Variants in FTCDNL1 observed in about 807,000 individuals in gnomAD.
The protein encoded by FTCDNL1 is formiminotransferase N-terminal subdomain-containing protein.
Under a neutral mutation model 5.9 loss-of-function variants are expected in FTCDNL1, and 11 were observed. That is an observed-to-expected ratio of 1.87 (90% CI 1.18 to 3.10). The LOEUF (loss-of-function observed/expected upper bound fraction) is 3.10. FTCDNL1 is among the 30% of genes most tolerant of loss of function. FTCDNL1 has a pLI of 0.00. For missense variants in FTCDNL1, 115 were observed against 65.5 expected, an observed-to-expected ratio of 1.76 and a Z score of -2.61; for synonymous variants, 58 against 24.8, an observed-to-expected ratio of 2.34 and a Z score of -3.99.
downstream of FTCDNL1, among the ~76,000 whole-genome samples, chr2:199,758,320 A>C (rs1698140070): frequency 6.7e-6 from 1 of 150,346 alleles, no homozygotes; most frequent in Non-Finnish European, 1.5e-5. Context: ...ACAAACAAAT[A>C]ACTTATTTTT....
the FTCDNL1 span, among the ~76,000 whole-genome samples, chr2:199,666,948 T>A: frequency 6.6e-6 from 1 of 150,750 alleles, no homozygotes; most frequent in Non-Finnish European, 1.5e-5. Flanking sequence ...GGGGATCTAG[T>A]GAAGTGGAGT....
chr2:199,705,772 G>A, the FTCDNL1 span, among the ~76,000 whole-genome samples: 1 of 152,198 alleles, frequency 6.6e-6, no homozygotes, highest in Non-Finnish European at 1.5e-5. Flanking sequence ...CAAAGAAGCA[G>A]ATGCCAAGAT....
chr2:199,830,491 A>G (rs1165486457), intron 3 of FTCDNL1, among the ~76,000 whole-genome samples: 5 of 152,202 alleles, frequency 3.3e-5, no homozygotes, highest in Admixed American at 2.6e-4. Context: ...CAATGTCTTC[A>G]TTAAACAGAG....
rs573063611 is a variant in FTCDNL1, at chr2:199,831,098, T to C, written c.212-11341A>G. Among the ~76,000 whole-genome samples the C allele has an allele frequency of 2.6e-5, 4 of 152,322 alleles. No homozygotes were observed. The East Asian group carries it at 7.7e-4, about 29-fold the overall frequency. On this transcript the variant is annotated intron_variant, in intron 3 of 4. Coordinates refer to ENST00000420128, the MANE Select transcript of FTCDNL1 (RefSeq NM_001363886.2). The stretch of plus-strand genomic sequence containing the variant: ...GAACTTAAAAACCACGATAGGCTGA[T>C]AACAACACCTATGCCTCCAAATGAA...
At chr2:199,693,137 A>G in the FTCDNL1 span, among the ~76,000 whole-genome samples, 1 of 152,216 alleles carries the variant, frequency 6.6e-6, no homozygotes, top group African/African-American at 2.4e-5. Context: ...GTTTTCTGTT[A>G]TAGATACCAG....
the FTCDNL1 span, among the ~76,000 whole-genome samples, chr2:199,720,625 T>C: frequency 1.3e-5 from 2 of 152,210 alleles, no homozygotes; most frequent in South Asian, 2.1e-4. Flanking sequence ...ACATGGTCTT[T>C]TTCTCTGTGT....
At chr2:199,778,921 C>T (rs796243995) in intron 3 of FTCDNL1, among the ~76,000 whole-genome samples, 17 of 152,238 alleles carry the variant, frequency 1.1e-4, no homozygotes, top group African/African-American at 3.9e-4. Context: ...TCAGGGAAGC[C>T]TTTCTCAGTA....
At chr2:199,774,949 T>C (rs1698987219) in intron 3 of FTCDNL1, among the ~76,000 whole-genome samples, 1 of 152,202 alleles carries the variant, frequency 6.6e-6, no homozygotes. Context: ...GTACCAGTCC[T>C]CTCAGAATCT....
the FTCDNL1 span, among the ~76,000 whole-genome samples, chr2:199,711,451 T>C: frequency 1.3e-5 from 2 of 152,128 alleles, no homozygotes; most frequent in Non-Finnish European, 2.9e-5. Flanking sequence ...GTATTAATAC[T>C]CCCTTGAAAA....
chr2:199,689,058 G>A, the FTCDNL1 span, among the ~76,000 whole-genome samples: 1 of 152,054 alleles, frequency 6.6e-6, no homozygotes, highest in South Asian at 2.1e-4. Flanking sequence ...CAAAACATAT[G>A]GAAATAATAT....
At chr2:199,768,855 G>A (rs982746030) in intron 3 of FTCDNL1, among the ~76,000 whole-genome samples, 6 of 152,144 alleles carry the variant, frequency 3.9e-5, no homozygotes, top group Non-Finnish European at 7.3e-5. Context: ...AATGAGAAGA[G>A]AGGAGCTATT....
rs1044836169 is a variant in FTCDNL1, at chr2:199,812,312, G to C, written c.*393C>G. 1.3e-5 allele frequency among the ~76,000 whole-genome samples: 2 copies of C among 152,104 alleles called. No individual in the cohort carries two copies. Among genetic ancestry groups the C allele is most frequent in the African/African-American group, 2.4e-5 (1 of 41,418 alleles). On this transcript the variant is annotated 3_prime_UTR_variant, in exon 5 of 5. Transcript: ENST00000420128. Reference sequence around the variant, plus strand: ...AATTTCTCTTTCTGCCCAAATTCACGCTTTTCCAATTTCCTCCATTTAATC... The same window carrying C: ...AATTTCTCTTTCTGCCCAAATTCACCCTTTTCCAATTTCCTCCATTTAATC...
rs921767417 is a variant in FTCDNL1 at position 199,810,552 on chromosome 2, A to G, written c.*2153T>C. Among the ~76,000 whole-genome samples, 7 of 152,184 alleles carry G rather than the reference A, an allele frequency of 4.6e-5. No individual in the cohort carries two copies. The East Asian group carries it at 1.3e-3, about 29-fold the overall frequency. ...GCTGAGATGGCCATTGACACTCTAG[A>G]GCCCTGTTACTCTAGAGCTCAGGGG... On this transcript the variant is annotated 3_prime_UTR_variant, in exon 5 of 5. Transcript: ENST00000420128.
In FTCDNL1 at chr2:199,779,530, ACT is replaced by A. The variant is rs1491080418; in HGVS notation, c.212-18697_212-18696del. 8.7e-3 allele frequency among the ~76,000 whole-genome samples: 1,319 copies of A among 152,292 alleles called. 20 individuals carry two copies. The highest frequency in any genetic ancestry group is 0.03 in the African/African-American group (1,256 of 41,560). On this transcript the variant is annotated intron_variant, in intron 3 of 3. Coordinates refer to the FTCDNL1 transcript ENST00000416668. The stretch of plus-strand genomic sequence containing the variant: ...CTCCCCCTCCACCTTCCACATGTGC[ACT>A]CATGATTTCAATCCATCTGCCTCTC...
the FTCDNL1 span, among the ~76,000 whole-genome samples, chr2:199,681,217 G>A: frequency 6.6e-6 from 1 of 151,982 alleles, no homozygotes; most frequent in Non-Finnish European, 1.5e-5. Flanking sequence ...ATTTTGGGAG[G>A]CTGAGGCAGG....
At chr2:199,790,584 G>A (rs558440804) in intron 3 of FTCDNL1, among the ~76,000 whole-genome samples, 1 of 151,478 alleles carries the variant, frequency 6.6e-6, no homozygotes, top group Admixed American at 6.6e-5. Context: ...ATAAGAAAAG[G>A]ATAAAAATCA....
At chr2:199,754,075 G>A in the FTCDNL1 span, among the ~76,000 whole-genome samples, 1 of 152,172 alleles carries the variant, frequency 6.6e-6, no homozygotes, top group African/African-American at 2.4e-5. Context: ...AGGGCCTCAG[G>A]GCCTTCTCAT....
chr2:199,692,020 A>G, the FTCDNL1 span, among the ~76,000 whole-genome samples: 5 of 152,232 alleles, frequency 3.3e-5, no homozygotes, highest in Admixed American at 3.3e-4. Flanking sequence ...GGTACATTTT[A>G]TACTGTTATC....
At chr2:199,727,669 T>A in the FTCDNL1 span, among the ~76,000 whole-genome samples, 1 of 152,150 alleles carries the variant, frequency 6.6e-6, no homozygotes, top group African/African-American at 2.4e-5. Flanking sequence ...GTTTTTGTTC[T>A]CAGTGGGAGC....
Sources: gnomAD v4.1 joint callset for allele counts (sites outside exome capture counted in the v4.1 genomes callset) on GRCh38, gnomAD v4.1.1 for gene constraint, MANE v1.5 for transcripts, NCBI Gene and HGNC (gene_info 2026-07-23, HGNC 2026-07-21) for gene names.